Variants in CREB5 observed in about 807,000 individuals in gnomAD.
CREB5 encodes cAMP responsive element binding protein 5.
In CREB5, 19 loss-of-function variants were observed where a neutral mutation model predicts 57.1. The observed-to-expected ratio is 0.33, with a 90% CI of 0.23 to 0.49. The LOEUF (loss-of-function observed/expected upper bound fraction) is 0.49. Among genes scored for constraint, CREB5 ranks in the 20% least tolerant of loss-of-function variants. The pLI is 0.99. For synonymous variants in CREB5, 238 were observed against 238.3 expected, an observed-to-expected ratio of 1.00 and a Z score of 0.01; for missense variants, 579 against 671.6, an observed-to-expected ratio of 0.86 and a Z score of 1.52.
intron 5 of CREB5, among the ~76,000 whole-genome samples, chr7:28,641,648 A>G (rs1258620591): frequency 1.3e-5 from 2 of 152,138 alleles, no homozygotes; most frequent in African/African-American, 4.8e-5. Context: ...GGTCCTTCAC[A>G]TTTCTAGCTA....
chr7:28,343,885 T>C (rs1182063681), intron 1 of CREB5, among the ~76,000 whole-genome samples: 1 of 152,196 alleles, frequency 6.6e-6, no homozygotes. Context: ...TATTTTTTAT[T>C]ACAGCCATTC....
chr7:28,518,032 A>G (rs1292955395), intron 4 of CREB5, among the ~76,000 whole-genome samples: 1 of 152,134 alleles, frequency 6.6e-6, no homozygotes, highest in East Asian at 1.9e-4. Flanking sequence ...TCCCACCTGC[A>G]AGCTTTCCCT....
chr7:28,674,445 G>A (rs188532492), intron 5 of CREB5, among the ~76,000 whole-genome samples: 132 of 152,298 alleles, frequency 8.7e-4, no homozygotes, highest in Non-Finnish European at 1.9e-4. Context: ...CCAGGTCGCT[G>A]GCTAATCCTT....
chr7:28,440,986 T>G (rs1319719776), intron 1 of CREB5, among the ~76,000 whole-genome samples: 2 of 152,206 alleles, frequency 1.3e-5, no homozygotes, highest in Non-Finnish European at 2.9e-5. Flanking sequence ...CCAAATGTAT[T>G]TTATCAATGC....
intron 4 of CREB5, among the ~76,000 whole-genome samples, chr7:28,511,911 T>G (rs1257409855): frequency 1.3e-5 from 2 of 152,200 alleles, no homozygotes. Flanking sequence ...GAGACGGTAT[T>G]GAAAGAATTT....
chr7:28,555,176 G>GGT (rs143423024), intron 4 of CREB5, among the ~76,000 whole-genome samples: 4,898 of 151,184 alleles, frequency 0.032, 305 homozygotes, highest in African/African-American at 0.11. Context: ...TATCAAACAT[G>GGT]GTGGTGTGCA....
chr7:28,497,899 A>G (rs1197738037), intron 3 of CREB5, among the ~76,000 whole-genome samples: 1 of 152,164 alleles, frequency 6.6e-6, no homozygotes, highest in Non-Finnish European at 1.5e-5. Context: ...TGCTTGATTT[A>G]TTTAAATTCA....
chr7:28,514,552 C>T (rs1392271883), intron 4 of CREB5, among the ~76,000 whole-genome samples: 1 of 152,162 alleles, frequency 6.6e-6, no homozygotes, highest in Non-Finnish European at 1.5e-5. Flanking sequence ...CCGGCCACTA[C>T]TCCTGGCTAA....
intron 4 of CREB5, among the ~76,000 whole-genome samples, chr7:28,540,137 T>A (rs1346181443): frequency 6.6e-6 from 1 of 152,230 alleles, no homozygotes; most frequent in South Asian, 2.1e-4. Context: ...TATTTTATAA[T>A]ATCGACCACC....
chr7:28,531,595 G>A (rs933419796), intron 4 of CREB5, among the ~76,000 whole-genome samples: 2 of 152,132 alleles, frequency 1.3e-5, no homozygotes, highest in African/African-American at 2.4e-5. Context: ...TGAGGTCCTG[G>A]GGATTAGAAC....
chr7:28,330,401 C>CTTTTTTTTTTTTTTTTTT (rs10699932), intron 1 of CREB5, among the ~76,000 whole-genome samples: 42 of 88,538 alleles, frequency 4.7e-4, no homozygotes, highest in East Asian at 6.3e-4. Context: ...GAGAACCTTA[C>CTTTTTTTTTTTTTTTTTT]TTTTTTTTTT....
chr7:28,747,051 T>C (rs1045617624), intron 7 of CREB5, among the ~76,000 whole-genome samples: 11 of 152,138 alleles, frequency 7.2e-5, no homozygotes, highest in African/African-American at 2.2e-4. Flanking sequence ...TAAATCCTTA[T>C]CTTCTCAATC....
rs187896948 is a variant in CREB5 at position 28,713,501 on chromosome 7, A to G, written c.465-5252A>G. On this transcript the variant is annotated intron_variant, in intron 5 of 10. Transcript: ENST00000357727. ...AACACCTTCTATTTGGGGTTTAGTC[A>G]TGTTTTAAATGCAGTTTTGATATGA... Among the ~76,000 whole-genome samples, 8 of 152,312 alleles carry G rather than the reference A, an allele frequency of 5.3e-5. No individual in the cohort carries two copies. The East Asian group carries it at 1.2e-3, about 22-fold the overall frequency.
intron 1 of CREB5, among the ~76,000 whole-genome samples, chr7:28,339,043 T>C (rs1744728956): frequency 2.0e-5 from 3 of 152,248 alleles, no homozygotes; most frequent in African/African-American, 7.2e-5. Flanking sequence ...TTGAATTTCT[T>C]TGAGTTTCCT....
chr7:28,485,560 A>G (rs1015540952), intron 1 of CREB5, among the ~76,000 whole-genome samples: 2 of 152,144 alleles, frequency 1.3e-5, no homozygotes, highest in African/African-American at 4.8e-5. Flanking sequence ...ATAATTTGAA[A>G]ATATCTACCA....
At position 28,809,211 on chromosome 7, in the gene CREB5, C is replaced by A. The variant is rs780989909; in HGVS notation, c.1051C>A (p.Gln351Lys). 8 of 1,613,110 alleles carry A rather than the reference C, an allele frequency of 5.0e-6. No homozygotes were observed. In the Admixed American group the frequency reaches 6.7e-5, roughly 13 times the overall value. ...AQVSPATQQM[Q>K]PTQTIQPPQP... is the part of the protein sequence containing the mutation. Reference sequence around the variant, plus strand: ...GGTTTCACCAGCAACACAACAGATGCAGCCAACCCAGACAATACAGCCACC... The same window carrying A: ...GGTTTCACCAGCAACACAACAGATGAAGCCAACCCAGACAATACAGCCACC... Residue 351 changes from glutamine to lysine, a missense_variant, in exon 9 of 11, where the codon CAG becomes AAG. Gln to Lys is a moderately conservative substitution (Grantham distance 53, BLOSUM62 1). Transcript: ENST00000357727.
At chr7:28,360,125 A>G (rs1461763369) in intron 1 of CREB5, among the ~76,000 whole-genome samples, 3 of 152,194 alleles carry the variant, frequency 2.0e-5, no homozygotes, top group Non-Finnish European at 4.4e-5. Flanking sequence ...GTTGGTGGGA[A>G]TGGAAATGGG....
At chr7:28,684,667 C>T (rs1362726716) in intron 5 of CREB5, among the ~76,000 whole-genome samples, 2 of 152,136 alleles carry the variant, frequency 1.3e-5, no homozygotes, top group Non-Finnish European at 2.9e-5. Context: ...TTTGTCTTAT[C>T]TACCTGATTC....
At chr7:28,722,805 G>C (rs1363467325) in intron 6 of CREB5, among the ~76,000 whole-genome samples, 1 of 152,198 alleles carries the variant, frequency 6.6e-6, no homozygotes, top group Non-Finnish European at 1.5e-5. Flanking sequence ...GCTAAGGTAA[G>C]ACTGATGGCT....
Sources: gnomAD v4.1 joint callset for allele counts (sites outside exome capture counted in the v4.1 genomes callset) on GRCh38, gnomAD v4.1.1 for gene constraint, MANE v1.5 for transcripts, NCBI Gene and HGNC (gene_info 2026-07-23, HGNC 2026-07-21) for gene names.